AGAP1: variants seen among roughly 807,000 people sequenced by gnomAD.
AGAP1 encodes ArfGAP with GTPase domain, ankyrin repeat and PH domain 1.
A neutral mutation model predicts 105.3 loss-of-function variants in AGAP1; 29 were observed. The ratio of observed to expected loss-of-function variants is 0.28; its 90% CI spans 0.21 to 0.38. AGAP1 has a LOEUF of 0.38. Ranked by LOEUF, AGAP1 falls within the 10% of genes least tolerant of loss-of-function variation. The probability of loss-of-function intolerance (pLI) is 1.00; values close to 1 mark genes in which losing one functional copy is unlikely to be tolerated. For missense variants in AGAP1, 998 were observed against 1,165.1 expected (o/e 0.86, Z 2.09); for synonymous variants, 509 against 485.9 (o/e 1.05, Z -0.63).
intron 16 of AGAP1, among the ~76,000 whole-genome samples, chr2:236,102,147 G>A (rs1050690300): frequency 5.3e-5 from 8 of 152,168 alleles, no homozygotes; most frequent in East Asian, 1.9e-4. Context: ...GCCGGGCGCG[G>A]TGGCTCACGC....
intron 12 of AGAP1, 35 bp from the exon 13 acceptor site, chr2:235,968,427 T>C: frequency 6.6e-7 from 1 of 1,522,184 alleles, no homozygotes. Context: ...TCTGCATTTT[T>C]TTTTTTTTTT....
chr2:236,085,869 A>G (rs1401696052), intron 16 of AGAP1, among the ~76,000 whole-genome samples: 1 of 152,202 alleles, frequency 6.6e-6, no homozygotes, highest in East Asian at 1.9e-4. Flanking sequence ...CCTGGAGGGG[A>G]CAATGGCTGT....
chr2:235,922,401 C>T (rs1367408503), intron 11 of AGAP1, among the ~76,000 whole-genome samples: 2 of 152,194 alleles, frequency 1.3e-5, no homozygotes, highest in African/African-American at 4.8e-5. Flanking sequence ...AAGTTCCTAT[C>T]GCCATCACCA....
chr2:235,541,319 C>T (rs1943425767), intron 1 of AGAP1, among the ~76,000 whole-genome samples: 1 of 151,596 alleles, frequency 6.6e-6, no homozygotes, highest in African/African-American at 2.4e-5. Flanking sequence ...ACTTTGCTTC[C>T]ACTCCCAACC....
At chr2:235,825,798 G>A (rs1441429181) in intron 9 of AGAP1, among the ~76,000 whole-genome samples, 7 of 152,306 alleles carry the variant, frequency 4.6e-5, no homozygotes, top group Admixed American at 4.6e-4. Context: ...CCTACTATTT[G>A]ATAGCACAGC....
rs1269907931 is a variant in AGAP1, at chr2:235,690,178, T to A, written c.164-19001T>A. Among the ~76,000 whole-genome samples the A allele has an allele frequency of 6.6e-6, 1 of 152,056 alleles. No homozygotes were observed. The highest frequency in any genetic ancestry group is 1.5e-5 in the Non-Finnish European group (1 of 68,006). ...CTGAGGGATCTCACTTGCTACCTGC[T>A]TGGAGCCAGTCCAGTGGCTTCACTT... On this transcript the variant is annotated intron_variant, in intron 1 of 17. Transcript: ENST00000304032. This position sits in a 1 kb window ranked among gnomAD's most constrained non-coding sequence, Gnocchi z 4.1.
chr2:235,916,078 G>GA (rs1045391030), intron 11 of AGAP1, among the ~76,000 whole-genome samples: 100 of 151,688 alleles, frequency 6.6e-4, no homozygotes, highest in Non-Finnish European at 4.0e-4. Context: ...AATGAAGATA[G>GA]AAAAAAAAGA....
At chr2:235,946,614 C>T (rs1301961100) in intron 12 of AGAP1, among the ~76,000 whole-genome samples, 1 of 152,202 alleles carries the variant, frequency 6.6e-6, no homozygotes, top group African/African-American at 2.4e-5. Context: ...TAGAAACAAT[C>T]TCAGTTCAGA....
chr2:235,655,900 A>G lies in AGAP1; in HGVS notation c.164-53279A>G, dbSNP rs1035515961. ...GTTGGAATATGACCCTGGGTTTTGT[A>G]TGGAAAAGGGAGGGGGCAGTGCAGG... On this transcript the variant is annotated intron_variant, in intron 1 of 17. Coordinates refer to ENST00000304032, the MANE Select transcript of AGAP1 (RefSeq NM_001037131.3). This position sits in a 1 kb window ranked among gnomAD's most constrained non-coding sequence, Gnocchi z 4.3. Among the ~76,000 whole-genome samples the G allele has an allele frequency of 1.3e-5, 2 of 152,184 alleles. No homozygotes were observed. The highest frequency in any genetic ancestry group is 6.5e-5 in the Admixed American group (1 of 15,282).
rs973631549 is a variant in AGAP1, at chr2:236,056,739, G to A, written c.2114+7458G>A. Reference sequence around the variant, plus strand: ...AGAGGAGGGAGACAAAAACATGGCCGGAGCACACAGCGCCCTGTGTGCTTG... The same window carrying A: ...AGAGGAGGGAGACAAAAACATGGCCAGAGCACACAGCGCCCTGTGTGCTTG... On this transcript the variant is annotated intron_variant, in intron 16 of 17. Coordinates refer to ENST00000304032, the MANE Select transcript of AGAP1 (RefSeq NM_001037131.3). This position sits in a 1 kb window ranked among gnomAD's most constrained non-coding sequence, Gnocchi z 4.6. Among the ~76,000 whole-genome samples, 11 of 151,982 alleles carry A rather than the reference G, an allele frequency of 7.2e-5. No homozygotes were observed. The highest frequency in any genetic ancestry group is 1.3e-4 in the Non-Finnish European group (9 of 68,002).
chr2:235,781,630 A>G (rs576577085), intron 6 of AGAP1, among the ~76,000 whole-genome samples: 95 of 152,264 alleles, frequency 6.2e-4, no homozygotes, highest in Non-Finnish European at 1.1e-3. Flanking sequence ...GTTCATTCCT[A>G]GATTCACAGT....
chr2:235,868,314 G>A (rs2049278653), intron 9 of AGAP1, among the ~76,000 whole-genome samples: 1 of 152,102 alleles, frequency 6.6e-6, no homozygotes, highest in Admixed American at 6.5e-5. Context: ...AGCAGCAAGA[G>A]GATTCATTTG....
chr2:235,570,597 T>G (rs926738246), intron 1 of AGAP1, among the ~76,000 whole-genome samples: 1 of 152,162 alleles, frequency 6.6e-6, no homozygotes, highest in African/African-American at 2.4e-5. Flanking sequence ...TTTGATCACT[T>G]GCTAGGTGTG....
In AGAP1 at chr2:235,609,359, G is replaced by A. The variant is rs1946051871; in HGVS notation, c.164-99820G>A. ...AATGGCCAGAGGACATGGGGACATGGGGCAGGGAGAGCTTCAGAATGAGCG... is the reference window on the plus strand; with the variant it reads ...AATGGCCAGAGGACATGGGGACATGAGGCAGGGAGAGCTTCAGAATGAGCG... On this transcript the variant is annotated intron_variant, in intron 1 of 17. Coordinates refer to ENST00000304032, the MANE Select transcript of AGAP1 (RefSeq NM_001037131.3). The surrounding 1 kb of genome is among the most constrained non-coding windows in gnomAD (Gnocchi z 5.1). Among the ~76,000 whole-genome samples the A allele has an allele frequency of 1.3e-5, 2 of 152,172 alleles. No individual in the cohort carries two copies. The highest frequency in any genetic ancestry group is 1.3e-4 in the Admixed American group (2 of 15,278).
rs866076692 is a variant in AGAP1, at chr2:236,040,671, A to G, written c.1801-80A>G. 7 of 1,370,692 alleles carry G rather than the reference A, an allele frequency of 5.1e-6. No homozygotes were observed. The highest frequency in any genetic ancestry group is 3.6e-5 in the Admixed American group (2 of 55,566). The allele number at this position is 1,370,692 out of a possible 1,614,324, so 84.9% of individuals were successfully genotyped here. ...CCTACATTTGCTCCCAATCTGTTTG[A>G]TCTTTCCCTGATGTTATCAGTGATG... On this transcript the variant is annotated intron_variant, in intron 14 of 17. Coordinates refer to ENST00000304032, the MANE Select transcript of AGAP1 (RefSeq NM_001037131.3). This position sits in a 1 kb window ranked among gnomAD's most constrained non-coding sequence, Gnocchi z 5.6.
intron 6 of AGAP1, among the ~76,000 whole-genome samples, chr2:235,767,735 T>C (rs1348901526): frequency 6.6e-6 from 1 of 151,222 alleles, no homozygotes; most frequent in Non-Finnish European, 1.5e-5. Context: ...GGGATTGTAA[T>C]GTATACCATT....
intron 1 of AGAP1, among the ~76,000 whole-genome samples, chr2:235,568,053 CT>C (rs1479248884): frequency 1.3e-5 from 2 of 152,054 alleles, no homozygotes; most frequent in African/African-American, 2.4e-5. Flanking sequence ...TGCCAGTTCC[CT>C]TCAGTCTCTG....
At chr2:235,497,892 G>A (rs1396637249) in intron 1 of AGAP1, among the ~76,000 whole-genome samples, 1 of 152,074 alleles carries the variant, frequency 6.6e-6, no homozygotes, top group Non-Finnish European at 1.5e-5. Context: ...CACCGTGCCC[G>A]GCCGGGCACT....
intron 1 of AGAP1, among the ~76,000 whole-genome samples, chr2:235,648,961 C>T (rs192284577): frequency 5.5e-4 from 84 of 152,242 alleles, no homozygotes; most frequent in Non-Finnish European, 2.4e-4. Flanking sequence ...CCTGTACCCC[C>T]GCCAAAGCCA....
Sources: allele counts gnomAD v4.1 joint callset (sites outside exome capture counted in the v4.1 genomes callset), GRCh38; gene constraint gnomAD v4.1.1; non-coding constraint Gnocchi (gnomAD v3.1); transcripts MANE v1.5; gene names NCBI Gene and HGNC (gene_info 2026-07-23, HGNC 2026-07-21).